Variants in BAHCC1 observed in about 807,000 individuals in gnomAD.
BAHCC1 encodes BAH and coiled-coil domain-containing protein 1.
In BAHCC1, 43 loss-of-function variants were observed where a neutral mutation model predicts 88.2. That is an observed-to-expected ratio of 0.49 (90% CI 0.38 to 0.63). The LOEUF (loss-of-function observed/expected upper bound fraction) is 0.63. Among genes scored for constraint, BAHCC1 ranks in the 20% least tolerant of loss-of-function variants. The pLI is 0.00. For synonymous variants in BAHCC1, 1,510 were observed against 745.5 expected (o/e 2.03, Z -16.71); for missense variants, 3,023 against 1,654.8 (o/e 1.83, Z -14.34).
At chr17:81,448,110 CCT>C (rs1471808060) in intron 11 of BAHCC1, among the ~76,000 whole-genome samples, 2 of 152,200 alleles carry the variant, frequency 1.3e-5, no homozygotes, top group Admixed American at 6.5e-5. Flanking sequence ...AGAGGAAGGG[CCT>C]CTCGGGCAGC....
In BAHCC1 at chr17:81,418,248, G is replaced by A. The variant is rs563739159; in HGVS notation, c.179-8552G>A. ...TGGACAGTTTGCGGGCCCTGGAGAG[G>A]GCTTCAGATTGGAGAGGGTTCCAGG... is the stretch of plus-strand genomic sequence containing the variant. On this transcript the variant is annotated intron_variant, in intron 2 of 27. Coordinates refer to ENST00000675386, the MANE Select transcript of BAHCC1 (RefSeq NM_001377448.1). Among the ~76,000 whole-genome samples, 23 of 152,322 alleles carry A rather than the reference G, an allele frequency of 1.5e-4. No homozygotes were observed. In the South Asian group the frequency reaches 4.8e-3, roughly 32 times the overall value.
chr17:81,426,712 T>C, intron 2 of BAHCC1, 88 bp from the exon 3 acceptor site: 2 of 398,360 alleles, frequency 5.0e-6, no homozygotes, highest in East Asian at 7.1e-5. Context: ...GAGTCCCCTG[T>C]GGAGAAGGGC....
At chr17:81,403,615 A>T (rs1158360966) in intron 2 of BAHCC1, among the ~76,000 whole-genome samples, 9 of 152,146 alleles carry the variant, frequency 5.9e-5, no homozygotes, top group African/African-American at 1.2e-4. Context: ...ATCATGTGAT[A>T]TTTTTTTGTA....
intron 2 of BAHCC1, among the ~76,000 whole-genome samples, chr17:81,426,240 TGTG>T (rs2064196408): frequency 6.8e-6 from 1 of 146,600 alleles, no homozygotes; most frequent in Non-Finnish European, 1.5e-5. Context: ...TGGTGGGTGA[TGTG>T]GTTGGTGGTA....
chr17:81,416,811 G>T (rs1184357370), intron 2 of BAHCC1, among the ~76,000 whole-genome samples: 2 of 152,222 alleles, frequency 1.3e-5, no homozygotes, highest in Non-Finnish European at 2.9e-5. Flanking sequence ...TTAGGAGCAC[G>T]CTCGCAGCCT....
chr17:81,442,822 C>T lies in BAHCC1; in HGVS notation c.1473C>T (p.Ser491=), dbSNP rs948865584. The change falls in exon 5 of 28, where the codon AGC becomes AGT. Residue 491 remains serine (S), a synonymous_variant. Transcript: ENST00000675386. Reference sequence around the variant, plus strand: ...TCCCTAAAAGCGGTCTGGACAAAAGCGGCTACTTCGAGTTGCCCACCTCTT... The same window carrying T: ...TCCCTAAAAGCGGTCTGGACAAAAGTGGCTACTTCGAGTTGCCCACCTCTT... ...PGLPKSGLDK[S]GYFELPTSSQ... is the part of the protein sequence containing the mutation. 10 of 779,456 alleles carry T rather than the reference C, an allele frequency of 1.3e-5. No homozygotes were observed. Among genetic ancestry groups the T allele is most frequent in the Non-Finnish European group, 1.9e-5 (8 of 417,938 alleles). 48.3% of individuals were successfully genotyped at this position (779,456 alleles called of 1,614,324 possible).
chr17:81,431,930 C>T (rs891783372), intron 3 of BAHCC1, among the ~76,000 whole-genome samples: 209 of 152,290 alleles, frequency 1.4e-3, no homozygotes, highest in African/African-American at 4.8e-3. Flanking sequence ...CGAGCCCCTG[C>T]GCACACCCAG....
intron 2 of BAHCC1, among the ~76,000 whole-genome samples, chr17:81,425,912 GTGATGTGGTTGGTGCA>G (rs1176007226): frequency 4.0e-5 from 6 of 149,968 alleles, no homozygotes; most frequent in African/African-American, 1.5e-4. Context: ...GATGTCATTG[GTGATGTGGTTGGTGCA>G]TGATGTGATT....
chr17:81,408,678 C>T (rs2063911104), intron 2 of BAHCC1, among the ~76,000 whole-genome samples: 1 of 152,216 alleles, frequency 6.6e-6, no homozygotes, highest in South Asian at 2.1e-4. Flanking sequence ...TGTTCTTGGC[C>T]TGCAGCCCTT....
chr17:81,408,327 C>T (rs1236942899), intron 2 of BAHCC1, among the ~76,000 whole-genome samples: 2 of 152,156 alleles, frequency 1.3e-5, no homozygotes, highest in East Asian at 3.9e-4. Context: ...CACCTCCACC[C>T]CAGGCCTCTG....
intron 2 of BAHCC1, among the ~76,000 whole-genome samples, chr17:81,423,086 C>CCCTGGG (rs1488349165): frequency 3.0e-4 from 45 of 152,270 alleles, no homozygotes; most frequent in Non-Finnish European, 6.0e-4. Flanking sequence ...TCACCCCCTG[C>CCCTGGG]CCTGGGCCTG....
chr17:81,442,258 A>AG lies in BAHCC1; in HGVS notation c.914dup (p.Met306HisfsTer69). On this transcript the variant is annotated frameshift_variant, in exon 5 of 28. Transcript: ENST00000675386. LOFTEE classifies it high-confidence loss of function. ...GCAGGGCTGCGCTAGCCAGCTGTGC[A>AG]GGGGGCATGCTGGGGCGGCCTGGCA... 1.6e-6 allele frequency: 1 copy of AG among 629,378 alleles called. No individual in the cohort carries two copies. 39.0% of individuals were successfully genotyped at this position (629,378 alleles called of 1,614,324 possible).
In BAHCC1 at chr17:81,464,536, G is replaced by T; in HGVS notation, c.*719G>T. On this transcript the variant is annotated 3_prime_UTR_variant, in exon 28 of 28. Coordinates refer to ENST00000675386, the MANE Select transcript of BAHCC1 (RefSeq NM_001377448.1). ...TGCTTTCAGTGCATCTCCTAGAAAA[G>T]AAGTGTTGGAGCAGGGGGTGGTGAT... 6.5e-6 allele frequency: 1 copy of T among 153,138 alleles called. No individual in the cohort carries two copies. The highest frequency in any genetic ancestry group is 1.5e-5 in the Non-Finnish European group (1 of 68,508). The allele number at this position is 153,138 out of a possible 1,614,324, so 9.5% of individuals were successfully genotyped here. A position where few individuals can be genotyped will look rare whatever the true frequency, so the allele number is the denominator to read the frequency against.
chr17:81,395,984 C>T (rs956421559), intron 1 of BAHCC1: 2 of 152,248 alleles, frequency 1.3e-5, no homozygotes, highest in Non-Finnish European at 2.9e-5. Context: ...GACCGCCAGG[C>T]TGCGTCTGGC....
intron 27 of BAHCC1, 29 bp downstream of exon 27, chr17:81,463,005 C>CG (rs782651630): frequency 1.3e-6 from 1 of 770,638 alleles, no homozygotes; most frequent in East Asian, 2.4e-5. Flanking sequence ...TGGGGCCCAG[C>CG]CCCCCTCGGG....
At position 81,456,289 on chromosome 17, in the gene BAHCC1, G is replaced by A. The variant is rs782336065; in HGVS notation, c.4570-8G>A. 5.6e-6 allele frequency: 4 copies of A among 711,716 alleles called. No individual in the cohort carries two copies. The East Asian group carries it at 8.1e-5, about 14-fold the overall frequency. 44.1% of individuals were successfully genotyped at this position (711,716 alleles called of 1,614,324 possible). A position where few individuals can be genotyped will look rare whatever the true frequency, so the allele number is the denominator to read the frequency against. On this transcript the variant is annotated splice_polypyrimidine_tract_variant and splice_region_variant and intron_variant, in intron 15 of 27. Coordinates refer to ENST00000675386, the MANE Select transcript of BAHCC1 (RefSeq NM_001377448.1). The stretch of plus-strand genomic sequence containing the variant: ...CCTGAGAGTGCAGCTGCCCCTCCCT[G>A]TTCACAGGAGAAGGCGCAGTGTAAG...
rs116821104 is a variant in BAHCC1, at chr17:81,446,699, C to T, written c.3164-337C>T. 1,244 of 450,622 alleles carry T rather than the reference C, an allele frequency of 2.8e-3. 12 individuals carry two copies. Among genetic ancestry groups the T allele is most frequent in the African/African-American group, 0.022 (1,143 of 50,970 alleles). 27.9% of individuals were successfully genotyped at this position (450,622 alleles called of 1,614,324 possible). ...GTGTAGCTTGGACCACAGGCATGCA[C>T]CACCACGCCCAGCTCATTGTTCTTT... On this transcript the variant is annotated intron_variant, in intron 10 of 27. Transcript: ENST00000675386.
In BAHCC1 at chr17:81,458,956, G is replaced by A; in HGVS notation, c.5592G>A (p.Gln1864=). 1 of 743,556 alleles carries A rather than the reference G, an allele frequency of 1.3e-6. No individual in the cohort carries two copies. Among genetic ancestry groups the A allele is most frequent in the Admixed American group, 1.8e-5 (1 of 55,194 alleles). 46.1% of individuals were successfully genotyped at this position (743,556 alleles called of 1,614,324 possible). ...EEDSGPLSAE[Q]SAALARSCAI... ...ACAGCGGCCCTCTGAGCGCAGAGCA[G>A]AGCGCCGCCCTAGGTGAGCAGGGCC... is the stretch of plus-strand genomic sequence containing the variant. The change falls in exon 20 of 28, where the codon CAG becomes CAA. Residue 1864 remains glutamine, a synonymous_variant. Transcript: ENST00000675386.
rs781799716 is a variant in BAHCC1 at position 81,461,942 on chromosome 17, G to A, written c.7279G>A (p.Glu2427Lys). 1.3e-6 allele frequency: 1 copy of A among 764,896 alleles called. No homozygotes were observed. The highest frequency in any genetic ancestry group is 1.4e-5 in the South Asian group (1 of 72,044). The allele number at this position is 764,896 out of a possible 1,614,324, so 47.4% of individuals were successfully genotyped here. Reference sequence around the variant, plus strand: ...GGCCCTGAGCTTCTCCAAAGCCAAAGAGCTCTCCCGGAGGCAGCGGCCGCC... The same window carrying A: ...GGCCCTGAGCTTCTCCAAAGCCAAAAAGCTCTCCCGGAGGCAGCGGCCGCC... ...KEALSFSKAKELSRRQRPPSV... is the reference protein window; with the variant it reads ...KEALSFSKAKKLSRRQRPPSV... Residue 2427 changes from glutamate to lysine, a missense_variant, in exon 26 of 28, where the codon GAG becomes AAG. Glu to Lys is a moderately conservative substitution (Grantham distance 56). Transcript: ENST00000675386.
Sources: gnomAD v4.1 joint callset for allele counts (sites outside exome capture counted in the v4.1 genomes callset) on GRCh38, gnomAD v4.1.1 for gene constraint, MANE v1.5 for transcripts, NCBI Gene and HGNC (gene_info 2026-07-23, HGNC 2026-07-21) for gene names.